Variants in TMEM45A observed in about 807,000 individuals in gnomAD.
The protein encoded by TMEM45A is transmembrane protein 45A.
TMEM45A carries 25 observed loss-of-function variants against 32.0 expected under a neutral mutation model. The observed-to-expected ratio is 0.78, with a 90% CI of 0.57 to 1.09. TMEM45A has a LOEUF of 1.09. Among genes scored for constraint, TMEM45A ranks in the 50% least tolerant of loss-of-function variants. TMEM45A has a pLI of 0.00. For missense variants in TMEM45A, 302 were observed against 325.0 expected (o/e 0.93, Z 0.54); for synonymous variants, 122 against 114.8 (o/e 1.06, Z -0.40).
chr3:100,510,194 A>T (rs905883583), intron 1 of TMEM45A, among the ~76,000 whole-genome samples: 8 of 152,236 alleles, frequency 5.3e-5, no homozygotes, highest in African/African-American at 1.9e-4. Context: ...AGACAGCAGT[A>T]ACCTTTGCAG....
intron 1 of TMEM45A, among the ~76,000 whole-genome samples, chr3:100,498,266 G>T (rs1374818007): frequency 6.6e-6 from 1 of 152,176 alleles, no homozygotes; most frequent in Non-Finnish European, 1.5e-5. Flanking sequence ...GAATTACCCA[G>T]TCTTGGGTAT....
chr3:100,560,923 T>C (rs967332732), intron 4 of TMEM45A, among the ~76,000 whole-genome samples: 1 of 152,194 alleles, frequency 6.6e-6, no homozygotes, highest in African/African-American at 2.4e-5. Flanking sequence ...ATAAATGTTT[T>C]CATATTTCCC....
chr3:100,501,532 A>G (rs78593789), intron 1 of TMEM45A, among the ~76,000 whole-genome samples: 1,829 of 152,314 alleles, frequency 0.012, 19 homozygotes, highest in Non-Finnish European at 0.02. Context: ...GGAAAGCTCT[A>G]CCTAAGGTCC....
chr3:100,508,192 T>C (rs1708103620), intron 1 of TMEM45A, among the ~76,000 whole-genome samples: 1 of 152,082 alleles, frequency 6.6e-6, no homozygotes. Flanking sequence ...TCACAGACCC[T>C]GAGACTAGTA....
chr3:100,556,898 T>C lies in TMEM45A; in HGVS notation c.329T>C (p.Ile110Thr), dbSNP rs781575019. The change falls in exon 3 of 6, where the codon ATC (isoleucine) becomes ACC (threonine). Residue 110 changes from isoleucine (I) to threonine (T), a missense_variant. Transcript: ENST00000323523. Reference protein sequence around the residue: ...FFFGLLGVADILCFTISSLPV... With the variant: ...FFFGLLGVADTLCFTISSLPV... ...TTTGGGCTGTTGGGTGTGGCAGATA[T>C]CTTATGTTTCACCATCAGTTCACTT... 2 of 1,614,192 alleles carry C rather than the reference T, an allele frequency of 1.2e-6. No homozygotes were observed. Among genetic ancestry groups the C allele is most frequent in the Non-Finnish European group, 1.7e-6 (2 of 1,180,020 alleles).
chr3:100,558,409 T>C lies in TMEM45A; in HGVS notation c.408T>C (p.Phe136=), dbSNP rs1706264972. 6.2e-7 allele frequency: 1 copy of C among 1,613,108 alleles called. No individual in the cohort carries two copies. Among genetic ancestry groups the C allele is most frequent in the Non-Finnish European group, 8.5e-7 (1 of 1,179,982 alleles). The stretch of plus-strand genomic sequence containing the variant: ...AATCTGTTTTTTCCCCATCAGCCTT[T>C]ATCTTCTACAACCACACTCATGGCC... ...MLSNALFVEA[F]IFYNHTHGRE... Residue 136 remains phenylalanine, a synonymous_variant, in exon 4 of 6, where the codon TTT becomes TTC. Transcript: ENST00000323523.
intron 1 of TMEM45A, among the ~76,000 whole-genome samples, chr3:100,536,558 A>C (rs1247962366): frequency 6.6e-6 from 1 of 152,246 alleles, no homozygotes; most frequent in African/African-American, 2.4e-5. Flanking sequence ...GAATGGATCC[A>C]TGGAGGAATT....
At chr3:100,502,214 T>G (rs56225992) in intron 1 of TMEM45A, among the ~76,000 whole-genome samples, 30,979 of 147,528 alleles carry the variant, frequency 0.21, 3,982 homozygotes, top group Non-Finnish European at 0.3. Context: ...TATGGATCTT[T>G]TTTTTTTTTT....
intron 1 of TMEM45A, among the ~76,000 whole-genome samples, chr3:100,533,352 A>G (rs1705682788): frequency 6.6e-6 from 1 of 152,266 alleles, no homozygotes; most frequent in South Asian, 2.1e-4. Flanking sequence ...GATGTTTTGT[A>G]TAGGCATCCA....
chr3:100,511,087 G>A lies in TMEM45A; in HGVS notation c.-4+18159G>A, dbSNP rs528009978. 9.8e-3 allele frequency among the ~76,000 whole-genome samples: 1,492 copies of A among 152,214 alleles called. 22 individuals are homozygous for A. The highest frequency in any genetic ancestry group is 0.035 in the African/African-American group (1,444 of 41,530). On this transcript the variant is annotated intron_variant, in intron 1 of 5. Coordinates refer to ENST00000323523, the MANE Select transcript of TMEM45A (RefSeq NM_018004.3). ...CAGGAGAACTTCCCCAATCTAGCAA[G>A]GCAGGCCAACATTCAGATTCAGGAA... is the stretch of plus-strand genomic sequence containing the variant.
At chr3:100,500,409 A>C (rs1485850393) in intron 1 of TMEM45A, among the ~76,000 whole-genome samples, 1 of 151,468 alleles carries the variant, frequency 6.6e-6, no homozygotes, top group African/African-American at 2.5e-5. Context: ...ATTGGGTTAC[A>C]TTTGTTGAAT....
chr3:100,568,786 G>C (rs1706495521), intron 4 of TMEM45A, 36 bp from the exon 5 acceptor site: 2 of 1,568,144 alleles, frequency 1.3e-6, no homozygotes, highest in East Asian at 4.5e-5. Context: ...AATGTGATTG[G>C]TTATTTTAAT....
At position 100,533,694 on chromosome 3, in the gene TMEM45A, C is replaced by T. The variant is rs979193504; in HGVS notation, c.-3-21515C>T. ...TTGGGTTCCTGCCTGAGGAAGAAGA[C>T]ACCCCTCTGGAGAGCTTTGAGGCAT... On this transcript the variant is annotated intron_variant, in intron 1 of 5. Coordinates refer to ENST00000323523, the MANE Select transcript of TMEM45A (RefSeq NM_018004.3). Among the ~76,000 whole-genome samples the T allele has an allele frequency of 4.6e-5, 7 of 152,204 alleles. 1 individual carries two copies. Among genetic ancestry groups the T allele is most frequent in the Admixed American group, 6.5e-5 (1 of 15,286 alleles).
chr3:100,555,300 T>C lies in TMEM45A; in HGVS notation c.89T>C (p.Ile30Thr), dbSNP rs1261346980. The change falls in exon 2 of 6, where the codon ATC (isoleucine) becomes ACC (threonine). Residue 30 changes from isoleucine to threonine, a missense_variant. Ile to Thr is a moderately conservative substitution (Grantham distance 89, BLOSUM62 -1). Coordinates refer to ENST00000323523, the MANE Select transcript of TMEM45A (RefSeq NM_018004.3). Reference protein sequence around the residue: ...WWCTKSILKYICKKQKRTCYL... With the variant: ...WWCTKSILKYTCKKQKRTCYL... ...TGTACAAAGAGTATTCTGAAGTATATCTGCAAAAAGCAAAAGCGAACCTGC... is the reference window on the plus strand; with the variant it reads ...TGTACAAAGAGTATTCTGAAGTATACCTGCAAAAAGCAAAAGCGAACCTGC... 12 of 1,613,932 alleles carry C rather than the reference T, an allele frequency of 7.4e-6. No homozygotes were observed. Among genetic ancestry groups the C allele is most frequent in the South Asian group, 1.1e-5 (1 of 91,084 alleles).
At chr3:100,565,158 T>C (rs1706405757) in intron 4 of TMEM45A, among the ~76,000 whole-genome samples, 1 of 152,170 alleles carries the variant, frequency 6.6e-6, no homozygotes, top group African/African-American at 2.4e-5. Flanking sequence ...TCCAATCTTT[T>C]CCTACGACAT....
At chr3:100,553,395 C>T (rs1282558259) in intron 1 of TMEM45A, among the ~76,000 whole-genome samples, 1 of 152,086 alleles carries the variant, frequency 6.6e-6, no homozygotes, top group African/African-American at 2.4e-5. Flanking sequence ...TCTCCTAGTG[C>T]TTGTATTTCC....
intron 1 of TMEM45A, among the ~76,000 whole-genome samples, chr3:100,505,412 AG>A (rs2148930329): frequency 7.6e-6 from 1 of 131,908 alleles, no homozygotes; most frequent in Non-Finnish European, 1.7e-5. Flanking sequence ...TTTCAGAAGA[AG>A]ATTTCATTGT....
chr3:100,561,719 C>G (rs1168446940), intron 4 of TMEM45A, among the ~76,000 whole-genome samples: 1 of 152,212 alleles, frequency 6.6e-6, no homozygotes, highest in Non-Finnish European at 1.5e-5. Flanking sequence ...CAAGCTCCCT[C>G]CAGTCATCCT....
intron 1 of TMEM45A, among the ~76,000 whole-genome samples, chr3:100,554,001 A>G (rs1706161289): frequency 6.6e-6 from 1 of 152,214 alleles, no homozygotes; most frequent in African/African-American, 2.4e-5. Context: ...CCTAGAGATA[A>G]AATAAATCTG....
Sources: allele counts gnomAD v4.1 joint callset (sites outside exome capture counted in the v4.1 genomes callset), GRCh38; gene constraint gnomAD v4.1.1; transcripts MANE v1.5; gene names NCBI Gene and HGNC (gene_info 2026-07-23, HGNC 2026-07-21).